The following ARMC6 variants were observed in gnomAD, a reference collection of about 807,000 sequenced individuals.
ARMC6 encodes the protein armadillo repeat-containing protein 6.
In ARMC6, 43 loss-of-function variants were observed where a neutral mutation model predicts 49.2. That is an observed-to-expected ratio of 0.87 (90% CI 0.69 to 1.13). The LOEUF (loss-of-function observed/expected upper bound fraction) is 1.13. Among genes scored for constraint, ARMC6 ranks in the 50% most tolerant of loss-of-function variants. The pLI, the probability that ARMC6 is intolerant of heterozygous loss-of-function variation, is 0.00. For missense variants in ARMC6, 627 were observed against 682.0 expected (o/e 0.92, Z 0.90); for synonymous variants, 262 against 289.6 (o/e 0.90, Z 0.97).
chr19:19,053,841 T>C (rs991050453), intron 5 of ARMC6, among the ~76,000 whole-genome samples: 5 of 70,518 alleles, frequency 7.1e-5, no homozygotes, highest in African/African-American at 3.0e-4. Flanking sequence ...AGTCTTCAGA[T>C]GTCTTTTTTT....
At position 19,057,636 on chromosome 19, in the gene ARMC6, C is replaced by T; in HGVS notation, c.*8C>T. On this transcript the variant is annotated 3_prime_UTR_variant, in exon 9 of 9. Transcript: ENST00000535612. Reference sequence around the variant, plus strand: ...GGCAACCTGGCGCCATGACCCCAGGCCCAGTCTGGGCCGTGACTCTGGGTG... The same window carrying T: ...GGCAACCTGGCGCCATGACCCCAGGTCCAGTCTGGGCCGTGACTCTGGGTG... 6.2e-7 allele frequency: 1 copy of T among 1,610,908 alleles called. No individual in the cohort carries two copies. Among genetic ancestry groups the T allele is most frequent in the African/African-American group, 1.3e-5 (1 of 75,008 alleles).
At position 19,051,987 on chromosome 19, in the gene ARMC6, C is replaced by A; in HGVS notation, c.645C>A (p.Asp215Glu). ...ACLKHEQNRQ[D>E]LVKAGVLPLL... ...TGAAACATGAACAGAATCGGCAAGA[C>A]CTGGTGAAAGCTGGCGTGCTGCCTC... Residue 215 changes from aspartate (D) to glutamate (E), a missense_variant, in exon 5 of 9, where the codon GAC becomes GAA. By Grantham distance (45) the Asp-to-Glu change is conservative (BLOSUM62 2). Transcript: ENST00000535612. 1 of 1,614,098 alleles carries A rather than the reference C, an allele frequency of 6.2e-7. No homozygotes were observed. The highest frequency in any genetic ancestry group is 8.5e-7 in the Non-Finnish European group (1 of 1,180,046).
At chr19:19,040,636 T>C (rs11671014) in intron 2 of ARMC6, 12,464 of 308,452 alleles carry the variant, frequency 0.04, 818 homozygotes, top group East Asian at 0.32. Context: ...TTTAGTATTA[T>C]GAAAGCACAG....
In ARMC6 at chr19:19,042,814, G is replaced by A. The variant is rs140096376; in HGVS notation, c.133G>A (p.Glu45Lys). The A allele has an allele frequency of 8.7e-6, 14 of 1,613,920 alleles. No individual in the cohort carries two copies. The highest frequency in any genetic ancestry group is 2.2e-5 in the East Asian group (1 of 44,900). ...TFDAAVRENIEEFAMGPEEAV... is the reference protein window; with the variant it reads ...TFDAAVRENIKEFAMGPEEAV... ...TGATGCAGCTGTGCGCGAGAACATC[G>A]AGGAGTTTGCGATGGGGCCAGAGGA... The change falls in exon 3 of 9, where the codon GAG (glutamate) becomes AAG (lysine). Residue 45 changes from glutamate to lysine, a missense_variant. Coordinates refer to ENST00000535612, the MANE Select transcript of ARMC6 (RefSeq NM_001199196.2).
At chr19:19,045,802 C>T (rs900340468) in intron 4 of ARMC6, among the ~76,000 whole-genome samples, 1 of 152,046 alleles carries the variant, frequency 6.6e-6, no homozygotes. Context: ...CAGGCGCCCG[C>T]CACCATGCCT....
At chr19:19,034,471 C>T (rs1358030605) in intron 2 of ARMC6, among the ~76,000 whole-genome samples, 2 of 152,144 alleles carry the variant, frequency 1.3e-5, no homozygotes, top group Non-Finnish European at 2.9e-5. Flanking sequence ...GGAGTCTAGG[C>T]TCTGGGAGTG....
intron 2 of ARMC6, among the ~76,000 whole-genome samples, chr19:19,035,848 G>A (rs1394495673): frequency 6.6e-6 from 1 of 152,238 alleles, no homozygotes; most frequent in Non-Finnish European, 1.5e-5. Flanking sequence ...TACCCAAGGT[G>A]GTTGGGGCAC....
chr19:19,034,200 G>A lies in ARMC6; in HGVS notation c.-10G>A, dbSNP rs752791908. The A allele has an allele frequency of 3.1e-6, 5 of 1,593,498 alleles. No homozygotes were observed. The highest frequency in any genetic ancestry group is 4.2e-6 in the Non-Finnish European group (5 of 1,177,416). On this transcript the variant is annotated 5_prime_UTR_variant, in exon 2 of 9. Coordinates refer to ENST00000535612, the MANE Select transcript of ARMC6 (RefSeq NM_001199196.2). ...GCAGTGGGGACAAGGAGGCTACAGG[G>A]TACAAATAAATGAGTGAACGATGTT...
At chr19:19,034,304 T>C in intron 2 of ARMC6, 66 bp downstream of exon 2, 1 of 1,559,186 alleles carries the variant, frequency 6.4e-7, no homozygotes, top group Non-Finnish European at 8.6e-7. Flanking sequence ...TATCTAGAAG[T>C]GGTTTTGAAG....
intron 4 of ARMC6, among the ~76,000 whole-genome samples, chr19:19,048,680 A>G (rs1244748348): frequency 6.6e-6 from 1 of 152,210 alleles, no homozygotes; most frequent in Non-Finnish European, 1.5e-5. Context: ...ATTTCTTATC[A>G]GACTTAAAAA....
In ARMC6 at chr19:19,034,125, A is replaced by G. The variant is rs1219349111; in HGVS notation, c.-79-6A>G. Reference sequence around the variant, plus strand: ...TTATTTTCATTCATTTTATTTATTCATTCAGCACCTGTGCACTGAGTGCCT... The same window carrying G: ...TTATTTTCATTCATTTTATTTATTCGTTCAGCACCTGTGCACTGAGTGCCT... On this transcript the variant is annotated splice_region_variant and splice_polypyrimidine_tract_variant and intron_variant, in intron 1 of 8. Coordinates refer to ENST00000535612, the MANE Select transcript of ARMC6 (RefSeq NM_001199196.2). The G allele has an allele frequency of 1.4e-5, 12 of 866,190 alleles. No individual in the cohort carries two copies. The highest frequency in any genetic ancestry group is 7.7e-5 in the East Asian group (3 of 38,752). The allele number at this position is 866,190 out of a possible 1,614,324, so 53.7% of individuals were successfully genotyped here.
chr19:19,051,085 A>G (rs1309474897), intron 4 of ARMC6, among the ~76,000 whole-genome samples: 2 of 152,254 alleles, frequency 1.3e-5, no homozygotes, highest in Non-Finnish European at 2.9e-5. Context: ...GAGAGATGAA[A>G]GGAGACATCA....
intron 2 of ARMC6, among the ~76,000 whole-genome samples, chr19:19,035,332 C>G (rs947769342): frequency 6.6e-6 from 1 of 152,222 alleles, no homozygotes; most frequent in Non-Finnish European, 1.5e-5. Context: ...TGAGCAGATT[C>G]CTGGCTGAGA....
rs1261708002 is a variant in ARMC6 at position 19,034,199 on chromosome 19, G to A, written c.-11G>A. The A allele has an allele frequency of 1.9e-6, 3 of 1,593,482 alleles. No individual in the cohort carries two copies. Among genetic ancestry groups the A allele is most frequent in the Non-Finnish European group, 2.5e-6 (3 of 1,177,348 alleles). ...GGCAGTGGGGACAAGGAGGCTACAGGGTACAAATAAATGAGTGAACGATGT... is the reference window on the plus strand; with the variant it reads ...GGCAGTGGGGACAAGGAGGCTACAGAGTACAAATAAATGAGTGAACGATGT... On this transcript the variant is annotated 5_prime_UTR_variant, in exon 2 of 9. Transcript: ENST00000535612.
chr19:19,045,493 CT>C lies in ARMC6; in HGVS notation c.279+1430del, dbSNP rs11270900. 6.1e-4 allele frequency among the ~76,000 whole-genome samples: 54 copies of C among 89,072 alleles called. 4 individuals are homozygous for C. The highest frequency in any genetic ancestry group is 7.9e-4 in the South Asian group (2 of 2,526). The allele number at this position is 89,072 out of a possible 152,430, so 58.4% of individuals were successfully genotyped here. On this transcript the variant is annotated intron_variant, in intron 4 of 8. Transcript: ENST00000535612. ...TAAGTGCTCAGCATTATGCTAAATT[CT>C]TTTTTTTTTTGAGACAAGAGTCTCA... is the stretch of plus-strand genomic sequence containing the variant.
chr19:19,046,955 CTTT>C (rs1405584876), intron 4 of ARMC6, among the ~76,000 whole-genome samples: 1 of 71,084 alleles, frequency 1.4e-5, no homozygotes, highest in Non-Finnish European at 2.9e-5. Context: ...TTTTCTATTT[CTTT>C]TTTTTTTTTT....
At position 19,052,008 on chromosome 19, in the gene ARMC6, G is replaced by T. The variant is rs201709743; in HGVS notation, c.666G>T (p.Leu222=). The change falls in exon 5 of 9, where the codon CTG becomes CTT. Residue 222 remains leucine, a synonymous_variant. Transcript: ENST00000535612. The stretch of plus-strand genomic sequence containing the variant: ...AAGACCTGGTGAAAGCTGGCGTGCT[G>T]CCTCTGCTGACTGGTGCCATCACCC... The part of the protein sequence containing the change: ...NRQDLVKAGV[L]PLLTGAITHH... 1 of 1,614,076 alleles carries T rather than the reference G, an allele frequency of 6.2e-7. No individual in the cohort carries two copies. The highest frequency in any genetic ancestry group is 1.3e-5 in the African/African-American group (1 of 75,060).
At position 19,055,249 on chromosome 19, in the gene ARMC6, C is replaced by T; in HGVS notation, c.1024-16C>T. On this transcript the variant is annotated splice_polypyrimidine_tract_variant and intron_variant, in intron 6 of 8. Transcript: ENST00000535612. This position sits in a 1 kb window ranked among gnomAD's most constrained non-coding sequence, Gnocchi z 5.7. ...AGCGGCCTGGCTGGAGGTGAGCGGG[C>T]CTTTCCCTTGTGCAGGAGCTCGTGA... 4 of 1,579,778 alleles carry T rather than the reference C, an allele frequency of 2.5e-6. No homozygotes were observed. The highest frequency in any genetic ancestry group is 3.4e-6 in the Non-Finnish European group (4 of 1,163,276).
In ARMC6 at chr19:19,056,263, G is replaced by GTTT. The variant is rs533708367; in HGVS notation, c.1293+351_1293+353dup. ...TATAACACGTAATCTCCTTCTGTGG[G>GTTT]TTTTTTTTTTTTTTTTTTGAGACAG... is the stretch of plus-strand genomic sequence containing the variant. On this transcript the variant is annotated intron_variant, in intron 8 of 8. Transcript: ENST00000535612. Among the ~76,000 whole-genome samples, 118 of 134,560 alleles carry GTTT rather than the reference G, an allele frequency of 8.8e-4. 2 individuals carry two copies. The highest frequency in any genetic ancestry group is 1.2e-3 in the Non-Finnish European group (76 of 63,018). 88.3% of individuals were successfully genotyped at this position (134,560 alleles called of 152,430 possible).
Sources: gnomAD v4.1 joint callset for allele counts (sites outside exome capture counted in the v4.1 genomes callset) on GRCh38, gnomAD v4.1.1 for gene constraint, Gnocchi (gnomAD v3.1) non-coding constraint, MANE v1.5 for transcripts, NCBI Gene and HGNC (gene_info 2026-07-23, HGNC 2026-07-21) for gene names.